Variants in IL15 observed in about 807,000 individuals in gnomAD.
IL15 encodes the protein interleukin 15.
Under a neutral mutation model 19.6 loss-of-function variants are expected in IL15, and 11 were observed. The observed-to-expected ratio is 0.56, with a 90% CI of 0.35 to 0.93. The LOEUF (loss-of-function observed/expected upper bound fraction) is 0.93. IL15 is among the 40% of genes least tolerant of loss of function. The pLI, the probability that IL15 is intolerant of heterozygous loss-of-function variation, is 0.01. For missense variants in IL15, 197 were observed against 186.5 expected (o/e 1.06, Z -0.33); for synonymous variants, 58 against 59.6 (o/e 0.97, Z 0.12).
intron 2 of IL15, among the ~76,000 whole-genome samples, chr4:141,659,428 C>A (rs1279064472): frequency 6.6e-6 from 1 of 152,112 alleles, no homozygotes; most frequent in African/African-American, 2.4e-5. Context: ...GTCTCGAACT[C>A]CTGACCTTGT....
At chr4:141,689,676 T>C (rs938155948) in intron 2 of IL15, among the ~76,000 whole-genome samples, 15 of 152,262 alleles carry the variant, frequency 9.9e-5, no homozygotes, top group Middle Eastern at 3.4e-3. Flanking sequence ...AGGGTGCTGA[T>C]TGGTGTGTTT....
chr4:141,674,569 G>A (rs1440974559), intron 2 of IL15, among the ~76,000 whole-genome samples: 2 of 151,458 alleles, frequency 1.3e-5, no homozygotes, highest in Non-Finnish European at 2.9e-5. Flanking sequence ...CTGAGTGACA[G>A]AGAAGACTTC....
In IL15 at chr4:141,671,518, A is replaced by T. The variant is rs147862947; in HGVS notation, c.-100+15211A>T. On this transcript the variant is annotated intron_variant, in intron 2 of 7. Coordinates refer to ENST00000320650, the MANE Select transcript of IL15 (RefSeq NM_000585.5). ...TTGTTTCTCATTGTTTTACTGGTTGACTGAGTGATTTTCTCCCTGGTCTTG... is the reference window on the plus strand; with the variant it reads ...TTGTTTCTCATTGTTTTACTGGTTGTCTGAGTGATTTTCTCCCTGGTCTTG... Among the ~76,000 whole-genome samples the T allele has an allele frequency of 4.1e-3, 625 of 152,242 alleles. 12 individuals are homozygous for T. The highest frequency in any genetic ancestry group is 0.037 in the Admixed American group (562 of 15,298).
chr4:141,694,659 G>A (rs1020191155), intron 2 of IL15, among the ~76,000 whole-genome samples: 10 of 152,088 alleles, frequency 6.6e-5, no homozygotes, highest in African/African-American at 2.2e-4. Context: ...CAGCCTTGAG[G>A]CCCTGCAAAT....
intron 1 of IL15, among the ~76,000 whole-genome samples, chr4:141,649,000 C>T (rs1280817712): frequency 6.6e-6 from 1 of 152,100 alleles, no homozygotes; most frequent in Non-Finnish European, 1.5e-5. Flanking sequence ...CTTATTGTCT[C>T]GTGGAACAAT....
In IL15 at chr4:141,671,918, C is replaced by T. The variant is rs568297167; in HGVS notation, c.-100+15611C>T. On this transcript the variant is annotated intron_variant, in intron 2 of 7. Transcript: ENST00000320650. ...CATGGGATGGAAGAGACTGTTGTGG[C>T]CATCTTTGCAAACTATCTACCACAT... Among the ~76,000 whole-genome samples, 10 of 152,238 alleles carry T rather than the reference C, an allele frequency of 6.6e-5. No individual in the cohort carries two copies. In the East Asian group the frequency reaches 1.5e-3, roughly 23 times the overall value.
In IL15 at chr4:141,729,920, C is replaced by T; in HGVS notation, c.314C>T (p.Ala105Val). Residue 105 changes from alanine (A) to valine (V), a missense_variant, in exon 7 of 8, where the codon GCA becomes GTA. Coordinates refer to ENST00000320650, the MANE Select transcript of IL15 (RefSeq NM_000585.5). ...GTTATTTCACTTGAGTCCGGAGATG[C>T]AAGTATTCATGATACAGTAGAAAAT... ...LQVISLESGD[A>V]SIHDTVENLI... 1 of 1,590,640 alleles carries T rather than the reference C, an allele frequency of 6.3e-7. No homozygotes were observed. The highest frequency in any genetic ancestry group is 8.6e-7 in the Non-Finnish European group (1 of 1,158,816).
chr4:141,658,023 C>G (rs543729102), intron 2 of IL15, among the ~76,000 whole-genome samples: 2 of 152,232 alleles, frequency 1.3e-5, no homozygotes, highest in South Asian at 4.1e-4. Context: ...CACTGTGTTA[C>G]GACATTATGA....
chr4:141,666,290 C>T (rs113799079), intron 2 of IL15, among the ~76,000 whole-genome samples: 116 of 151,352 alleles, frequency 7.7e-4, no homozygotes, highest in African/African-American at 2.7e-3. Flanking sequence ...GCCTGTAATC[C>T]CAGCACTTTG....
At chr4:141,689,151 C>T (rs1242246788) in intron 2 of IL15, 1 of 153,686 alleles carries the variant, frequency 6.5e-6, no homozygotes, top group Non-Finnish European at 1.4e-5. Context: ...AGTGTTACAG[C>T]TCATAAAAGC....
chr4:141,678,892 G>A (rs1003251599), intron 2 of IL15, among the ~76,000 whole-genome samples: 2 of 152,246 alleles, frequency 1.3e-5, no homozygotes, highest in African/African-American at 4.8e-5. Context: ...GAGCCACCAC[G>A]CCCGGCCTCA....
intron 2 of IL15, 153 bp from the exon 3 acceptor site, chr4:141,719,213 C>G (rs754307949): frequency 1.1e-5 from 4 of 353,502 alleles, no homozygotes; most frequent in Admixed American, 4.7e-5. Context: ...TAACCTTCCT[C>G]CATACCATTA....
At chr4:141,704,595 T>C (rs1399922190) in intron 2 of IL15, 8 of 388,282 alleles carry the variant, frequency 2.1e-5, no homozygotes, top group Non-Finnish European at 5.2e-6. Context: ...TCTTCAATTT[T>C]CTTCAGTAGT....
chr4:141,721,801 G>A (rs2152190249), intron 4 of IL15, 123 bp from the exon 5 acceptor site: 2 of 827,196 alleles, frequency 2.4e-6, no homozygotes, highest in East Asian at 2.5e-5. Context: ...ATGCACAGAA[G>A]CAAGGATAAC....
chr4:141,684,818 T>C (rs1728657510), intron 2 of IL15, among the ~76,000 whole-genome samples: 1 of 152,230 alleles, frequency 6.6e-6, no homozygotes, highest in African/African-American at 2.4e-5. Context: ...GTGTCTTCTA[T>C]GTTACAGATG....
At chr4:141,684,376 T>A (rs1015824869) in intron 2 of IL15, among the ~76,000 whole-genome samples, 1 of 152,224 alleles carries the variant, frequency 6.6e-6, no homozygotes, top group South Asian at 2.1e-4. Context: ...TGTGTAAATT[T>A]TTTTTCTCTT....
At chr4:141,728,246 T>C (rs1730334656) in intron 6 of IL15, among the ~76,000 whole-genome samples, 1 of 152,068 alleles carries the variant, frequency 6.6e-6, no homozygotes, top group Non-Finnish European at 1.5e-5. Context: ...ACATTATACG[T>C]TTTTGTGATG....
At chr4:141,720,670 T>C in intron 4 of IL15, 104 bp downstream of exon 4, 1 of 744,682 alleles carries the variant, frequency 1.3e-6, no homozygotes, top group Non-Finnish European at 2.4e-6. Context: ...TGCTTATATC[T>C]CTAGGTACTC....
chr4:141,660,563 A>C (rs1727750865), intron 2 of IL15, among the ~76,000 whole-genome samples: 1 of 152,208 alleles, frequency 6.6e-6, no homozygotes, highest in Non-Finnish European at 1.5e-5. Flanking sequence ...AACTAAACAC[A>C]TGACTGTTAA....
Sources: allele counts gnomAD v4.1 joint callset (sites outside exome capture counted in the v4.1 genomes callset), GRCh38; gene constraint gnomAD v4.1.1; transcripts MANE v1.5; gene names NCBI Gene and HGNC (gene_info 2026-07-23, HGNC 2026-07-21).